The following NOX4 variants were observed in gnomAD, a reference collection of about 807,000 sequenced individuals.
NOX4 encodes kidney oxidase-1.
In NOX4, 69 loss-of-function variants were observed where a neutral mutation model predicts 87.6. That is an observed-to-expected ratio of 0.79 (90% CI 0.65 to 0.96). The LOEUF (loss-of-function observed/expected upper bound fraction) is 0.96, where lower values mean the gene tolerates loss of function less well. NOX4 is among the 40% of genes least tolerant of loss of function. The pLI is 0.00. For synonymous variants in NOX4, 275 were observed against 238.2 expected (o/e 1.15, Z -1.42); for missense variants, 680 against 681.5 (o/e 1.00, Z 0.02).
At chr11:89,499,858 T>A (rs145116850), upstream of NOX4, among the ~76,000 whole-genome samples, 1 of 89,024 alleles carries the variant, frequency 1.1e-5, no homozygotes, top group Non-Finnish European at 2.5e-5. Context: ...TTTTTAAAAA[T>A]AATGCTTGAG....
chr11:89,366,462 G>A (rs1043793874), intron 12 of NOX4, among the ~76,000 whole-genome samples: 2 of 151,980 alleles, frequency 1.3e-5, no homozygotes, highest in Admixed American at 6.6e-5. Context: ...CTGATCGCTC[G>A]AGCCCAGGAG....
chr11:89,517,632 AT>A, the NOX4 span, among the ~76,000 whole-genome samples: 74,194 of 148,466 alleles, frequency 0.5, 18,463 homozygotes, highest in Admixed American at 0.54. Flanking sequence ...CAACTGGCTA[AT>A]TTTTTTTTTT....
At chr11:89,562,838 C>G in the NOX4 span, among the ~76,000 whole-genome samples, 6 of 152,142 alleles carry the variant, frequency 3.9e-5, no homozygotes, top group African/African-American at 1.4e-4. Context: ...TGTCTCCAAC[C>G]AAATCTTATC....
At chr11:89,527,614 C>G in the NOX4 span, among the ~76,000 whole-genome samples, 1 of 152,192 alleles carries the variant, frequency 6.6e-6, no homozygotes, top group African/African-American at 2.4e-5. Context: ...ATAGCTCAGG[C>G]TGTTGCTTCA....
the NOX4 span, among the ~76,000 whole-genome samples, chr11:89,583,997 T>C: frequency 1.3e-5 from 2 of 152,152 alleles, no homozygotes; most frequent in African/African-American, 2.4e-5. Context: ...AATGATGCCT[T>C]TGAAAAATTA....
At chr11:89,380,540 C>G (rs1940203653) in intron 11 of NOX4, among the ~76,000 whole-genome samples, 1 of 152,008 alleles carries the variant, frequency 6.6e-6, no homozygotes, top group Non-Finnish European at 1.5e-5. Context: ...TTGATCATTT[C>G]CTTTTGGTAC....
the NOX4 span, among the ~76,000 whole-genome samples, chr11:89,526,609 C>T: frequency 1.3e-5 from 2 of 152,132 alleles, no homozygotes; most frequent in Non-Finnish European, 2.9e-5. Context: ...TTATGCTGTT[C>T]TCATGATAGT....
chr11:89,492,567 C>T (rs138992964), upstream of NOX4, among the ~76,000 whole-genome samples: 496 of 152,308 alleles, frequency 3.3e-3, 8 homozygotes, highest in African/African-American at 0.012. Context: ...CATATCAAGT[C>T]CCTGTTAGAC....
intron 8 of NOX4, among the ~76,000 whole-genome samples, chr11:89,412,324 T>C (rs1942523603): frequency 6.6e-6 from 1 of 152,150 alleles, no homozygotes; most frequent in African/African-American, 2.4e-5. Flanking sequence ...ATGGACCTAA[T>C]AAATATTTAC....
At chr11:89,552,528 C>T in the NOX4 span, among the ~76,000 whole-genome samples, 1 of 152,144 alleles carries the variant, frequency 6.6e-6, no homozygotes, top group Non-Finnish European at 1.5e-5. Context: ...TGCCCACTCC[C>T]ATTTGTCCCC....
the NOX4 span, among the ~76,000 whole-genome samples, chr11:89,556,384 A>C: frequency 6.6e-6 from 1 of 152,032 alleles, no homozygotes; most frequent in Admixed American, 6.6e-5. Context: ...TTAGCTGGGC[A>C]TGGTGGCATG....
chr11:89,575,127 G>C, the NOX4 span, among the ~76,000 whole-genome samples: 2 of 151,908 alleles, frequency 1.3e-5, no homozygotes, highest in Admixed American at 1.3e-4. Context: ...AGGTTGCAGT[G>C]AGCCAAGATT....
Position 89,421,891 on chromosome 11 carries a change from T to G in NOX4, c.629+11A>C. 1 of 1,543,722 alleles carries G rather than the reference T, an allele frequency of 6.5e-7. No individual in the cohort carries two copies. Among genetic ancestry groups the G allele is most frequent in the Non-Finnish European group, 8.8e-7 (1 of 1,141,282 alleles). ...ACAAATGGTTTTAAATACATACATT[T>G]GTAAACTTACCCTGAAACATGCAAC... On this transcript the variant is annotated intron_variant, in intron 8 of 17. Transcript: ENST00000263317.
At chr11:89,444,836 C>G (rs1347379861) in intron 4 of NOX4, among the ~76,000 whole-genome samples, 1 of 152,024 alleles carries the variant, frequency 6.6e-6, no homozygotes, top group African/African-American at 2.4e-5. Flanking sequence ...TCACAATAAA[C>G]AAAGGGCTCG....
At chr11:89,519,380 C>T in the NOX4 span, among the ~76,000 whole-genome samples, 1 of 151,860 alleles carries the variant, frequency 6.6e-6, no homozygotes, top group African/African-American at 2.4e-5. Context: ...CCAAACAACC[C>T]TAGGTTTTAA....
At chr11:89,561,015 T>TATATATAGAC in the NOX4 span, among the ~76,000 whole-genome samples, 1 of 80,532 alleles carries the variant, frequency 1.2e-5, no homozygotes, top group Non-Finnish European at 2.3e-5. Context: ...TATATATATA[T>TATATATAGAC]ATATACATAC....
intron 14 of NOX4, among the ~76,000 whole-genome samples, chr11:89,341,625 C>G (rs1210513477): frequency 6.6e-6 from 1 of 152,098 alleles, no homozygotes; most frequent in Non-Finnish European, 1.5e-5. Flanking sequence ...TTACATTTCT[C>G]ATTGCTTTCT....
the NOX4 span, among the ~76,000 whole-genome samples, chr11:89,575,787 T>C: frequency 6.6e-6 from 1 of 152,154 alleles, no homozygotes; most frequent in Non-Finnish European, 1.5e-5. Context: ...CTTCTCTTCC[T>C]ACTTCATTTA....
At chr11:89,430,524 A>G (rs1334022710) in intron 7 of NOX4, among the ~76,000 whole-genome samples, 1 of 152,200 alleles carries the variant, frequency 6.6e-6, no homozygotes, top group Non-Finnish European at 1.5e-5. Flanking sequence ...TACAAAATCA[A>G]TGTGCAAAAA....
Sources: gnomAD v4.1 joint callset for allele counts (sites outside exome capture counted in the v4.1 genomes callset) on GRCh38, gnomAD v4.1.1 for gene constraint, MANE v1.5 for transcripts, NCBI Gene and HGNC (gene_info 2026-07-23, HGNC 2026-07-21) for gene names.